ERC2: variants seen among roughly 807,000 people sequenced by gnomAD.
ERC2 encodes the protein ERC protein 2.
Under a neutral mutation model 114.8 loss-of-function variants are expected in ERC2, and 42 were observed. The ratio of observed to expected loss-of-function variants is 0.37; its 90% CI spans 0.29 to 0.47. The LOEUF is 0.47. Ranked by LOEUF, ERC2 falls within the 20% of genes least tolerant of loss-of-function variation. The pLI is 0.99. For synonymous variants in ERC2, 454 were observed against 425.5 expected (o/e 1.07, Z -0.82); for missense variants, 939 against 1,150.7 (o/e 0.82, Z 2.66).
intron 12 of ERC2, among the ~76,000 whole-genome samples, chr3:55,959,363 A>G (rs1174372324): frequency 6.6e-6 from 1 of 152,228 alleles, no homozygotes; most frequent in African/African-American, 2.4e-5. Context: ...AACAGAACCC[A>G]GTGCCTGAAA....
chr3:55,672,195 T>C (rs1367687181), intron 17 of ERC2, among the ~76,000 whole-genome samples: 1 of 151,676 alleles, frequency 6.6e-6, no homozygotes, highest in African/African-American at 2.4e-5. Flanking sequence ...CCTACACAAA[T>C]AGCCAAGTAT....
intron 14 of ERC2, among the ~76,000 whole-genome samples, chr3:55,773,480 T>C (rs944146788): frequency 6.6e-6 from 1 of 152,242 alleles, no homozygotes; most frequent in Non-Finnish European, 1.5e-5. Flanking sequence ...ATATGCTAGG[T>C]TAAATCATAC....
intron 2 of ERC2, among the ~76,000 whole-genome samples, chr3:56,407,048 C>T (rs1027712277): frequency 1.3e-5 from 2 of 152,074 alleles, no homozygotes; most frequent in African/African-American, 4.8e-5. Context: ...TTAAGACAGA[C>T]AGGATAAGTG....
At chr3:55,649,406 G>A (rs575576584) in intron 17 of ERC2, among the ~76,000 whole-genome samples, 32 of 151,822 alleles carry the variant, frequency 2.1e-4, no homozygotes, top group Admixed American at 1.4e-3. Flanking sequence ...GACTACAGGC[G>A]CGCACCACCA....
intron 17 of ERC2, among the ~76,000 whole-genome samples, chr3:55,670,714 A>G (rs564286994): frequency 2.7e-4 from 41 of 152,336 alleles, no homozygotes; most frequent in African/African-American, 9.4e-4. Context: ...AAGATGACCA[A>G]TGTGAAAGCA....
chr3:56,263,842 A>T (rs2053109078), intron 3 of ERC2, among the ~76,000 whole-genome samples: 1 of 152,196 alleles, frequency 6.6e-6, no homozygotes, highest in East Asian at 1.9e-4. Context: ...CCAAAGCCCA[A>T]AAAAGGCACC....
At chr3:56,449,109 G>A (rs1170156391) in intron 1 of ERC2, among the ~76,000 whole-genome samples, 2 of 150,312 alleles carry the variant, frequency 1.3e-5, no homozygotes, top group Non-Finnish European at 3.0e-5. Flanking sequence ...GTTGGATTTG[G>A]CCCACAGGTA....
At chr3:55,968,993 T>C (rs2068957149) in intron 12 of ERC2, among the ~76,000 whole-genome samples, 1 of 152,122 alleles carries the variant, frequency 6.6e-6, no homozygotes, top group South Asian at 2.1e-4. Context: ...GAGGGTGAGA[T>C]AAATCCTTGC....
rs142810643 is a variant in ERC2 at position 55,798,490 on chromosome 3, C to A, written c.2565-63572G>T. 5.8e-3 allele frequency among the ~76,000 whole-genome samples: 874 copies of A among 151,514 alleles called. 10 individuals are homozygous for A. The highest frequency in any genetic ancestry group is 0.02 in the African/African-American group (832 of 41,208). On this transcript the variant is annotated intron_variant, in intron 14 of 17. Coordinates refer to ENST00000288221, the MANE Select transcript of ERC2 (RefSeq NM_015576.3). The stretch of plus-strand genomic sequence containing the variant: ...GCACGTGCCTGTAGTCCCAGCTACT[C>A]GGGCAGCTGAGGCAGGATAATCACT...
intron 15 of ERC2, among the ~76,000 whole-genome samples, chr3:55,727,534 T>C (rs534327512): frequency 5.6e-4 from 85 of 152,330 alleles, no homozygotes; most frequent in African/African-American, 2.0e-3. Flanking sequence ...AGCCTAGAAC[T>C]AACCCAAATG....
chr3:55,700,249 T>A (rs761869323), intron 15 of ERC2, among the ~76,000 whole-genome samples: 1 of 152,132 alleles, frequency 6.6e-6, no homozygotes. Flanking sequence ...AATGGACCAG[T>A]GATGAGTTGG....
At chr3:56,227,362 A>C (rs2050315623) in intron 3 of ERC2, among the ~76,000 whole-genome samples, 3 of 151,928 alleles carry the variant, frequency 2.0e-5, no homozygotes, top group Admixed American at 2.0e-4. Flanking sequence ...GACAGCCTCC[A>C]ACAGGAAAGA....
At chr3:55,918,931 AAC>A (rs2065259450) in intron 13 of ERC2, among the ~76,000 whole-genome samples, 1 of 151,978 alleles carries the variant, frequency 6.6e-6, no homozygotes. Flanking sequence ...TCCTGATATA[AAC>A]AAGAATTTTA....
chr3:56,016,531 A>T (rs2149585650), intron 8 of ERC2, among the ~76,000 whole-genome samples: 1 of 151,372 alleles, frequency 6.6e-6, no homozygotes, highest in South Asian at 2.1e-4. Context: ...CTCAGACTAG[A>T]GTTTACATCA....
At chr3:55,959,822 G>A (rs2068231305) in intron 12 of ERC2, among the ~76,000 whole-genome samples, 1 of 152,194 alleles carries the variant, frequency 6.6e-6, no homozygotes, top group Admixed American at 6.5e-5. Context: ...TCTCACTGTA[G>A]ACTAGACTAT....
chr3:56,444,871 T>C (rs1198868364), intron 1 of ERC2, among the ~76,000 whole-genome samples: 2 of 152,156 alleles, frequency 1.3e-5, no homozygotes, highest in Non-Finnish European at 2.9e-5. Flanking sequence ...CATCCCTAAC[T>C]TTTCCAAAAT....
chr3:55,709,202 G>C (rs1419492754), intron 15 of ERC2, among the ~76,000 whole-genome samples: 4 of 152,138 alleles, frequency 2.6e-5, no homozygotes, highest in African/African-American at 9.7e-5. Context: ...GAGATTCTAG[G>C]AGAATGTGAG....
chr3:55,578,703 A>G (rs1018877745), intron 17 of ERC2, among the ~76,000 whole-genome samples: 2 of 152,318 alleles, frequency 1.3e-5, no homozygotes, highest in South Asian at 4.1e-4. Context: ...TCCACAGGTC[A>G]GTTGGGTGAT....
At chr3:56,069,506 G>A (rs1053811210) in intron 7 of ERC2, among the ~76,000 whole-genome samples, 3 of 152,088 alleles carry the variant, frequency 2.0e-5, no homozygotes, top group Non-Finnish European at 4.4e-5. Context: ...GTATTACAAG[G>A]GTGAAATCAA....
Sources: gnomAD v4.1 joint callset for allele counts (sites outside exome capture counted in the v4.1 genomes callset) on GRCh38, gnomAD v4.1.1 for gene constraint, MANE v1.5 for transcripts, NCBI Gene and HGNC (gene_info 2026-07-23, HGNC 2026-07-21) for gene names.